Variants in ATXN1 observed in about 807,000 individuals in gnomAD.
ATXN1 encodes ataxin-1.
A neutral mutation model predicts 56.4 loss-of-function variants in ATXN1; 8 were observed. The observed-to-expected ratio is 0.14, with a 90% CI of 0.08 to 0.26. ATXN1 has a LOEUF of 0.26. Ranked by LOEUF, ATXN1 falls within the 10% of genes least tolerant of loss-of-function variation. ATXN1 has a pLI of 1.00. For synonymous variants in ATXN1, 514 were observed against 494.6 expected (o/e 1.04, Z -0.52); for missense variants, 987 against 1,106.5 (o/e 0.89, Z 1.53).
intron 6 of ATXN1, among the ~76,000 whole-genome samples, chr6:16,422,531 A>G (rs1170915241): frequency 6.6e-6 from 1 of 152,178 alleles, no homozygotes; most frequent in African/African-American, 2.4e-5. Flanking sequence ...GAAGGGTCTC[A>G]AGCCCTGGCA....
chr6:16,411,125 CAAAAAAAA>C (rs746717153), intron 6 of ATXN1, among the ~76,000 whole-genome samples: 4 of 80,700 alleles, frequency 5.0e-5, no homozygotes, highest in Admixed American at 1.5e-4. Context: ...ACCTCTGTGT[CAAAAAAAA>C]AAAAAAAAAA....
chr6:16,419,232 T>C (rs989221407), intron 6 of ATXN1, among the ~76,000 whole-genome samples: 3 of 152,300 alleles, frequency 2.0e-5, no homozygotes, highest in Non-Finnish European at 2.9e-5. Context: ...TACAGGTGCA[T>C]GACACTGCAC....
At chr6:16,347,547 T>C (rs1761444433) in intron 6 of ATXN1, among the ~76,000 whole-genome samples, 1 of 152,066 alleles carries the variant, frequency 6.6e-6, no homozygotes. Flanking sequence ...TCAAGGTTTG[T>C]AAACACACCA....
At chr6:16,460,074 C>T (rs550935202) in intron 6 of ATXN1, among the ~76,000 whole-genome samples, 6 of 152,144 alleles carry the variant, frequency 3.9e-5, no homozygotes, top group South Asian at 2.1e-4. Context: ...TGGCTTTTAC[C>T]GACTATGGAT....
intron 6 of ATXN1, among the ~76,000 whole-genome samples, chr6:16,339,255 G>A (rs1488867638): frequency 1.3e-5 from 2 of 152,160 alleles, no homozygotes; most frequent in Admixed American, 6.5e-5. Flanking sequence ...ACATTAGACA[G>A]CCCCAGTCTA....
At chr6:16,400,239 C>T (rs1758540037) in intron 6 of ATXN1, among the ~76,000 whole-genome samples, 1 of 152,214 alleles carries the variant, frequency 6.6e-6, no homozygotes, top group African/African-American at 2.4e-5. Context: ...AAGTAGCTCT[C>T]TTCTTGCTTC....
chr6:16,718,142 A>G (rs2113465251), intron 2 of ATXN1, among the ~76,000 whole-genome samples: 1 of 152,390 alleles, frequency 6.6e-6, no homozygotes, highest in South Asian at 2.1e-4. Flanking sequence ...TCTAAATCAT[A>G]GTGAAGGGTC....
chr6:16,630,482 G>T (rs1396922583), intron 3 of ATXN1, among the ~76,000 whole-genome samples: 2 of 152,166 alleles, frequency 1.3e-5, no homozygotes, highest in African/African-American at 2.4e-5. Flanking sequence ...ATCAACAGGG[G>T]ATTCATGGAG....
chr6:16,399,163 C>T (rs1479566959), intron 6 of ATXN1, among the ~76,000 whole-genome samples: 1 of 152,182 alleles, frequency 6.6e-6, no homozygotes, highest in East Asian at 1.9e-4. Context: ...GGCTGGAAAA[C>T]ATTTTGGAGG....
At chr6:16,448,982 T>C (rs1193183823) in intron 6 of ATXN1, among the ~76,000 whole-genome samples, 1 of 152,216 alleles carries the variant, frequency 6.6e-6, no homozygotes, top group Middle Eastern at 3.2e-3. Context: ...AGATTCTTAG[T>C]TACCCCGTTA....
chr6:16,335,276 G>A (rs1214049917), intron 6 of ATXN1, among the ~76,000 whole-genome samples: 2 of 152,258 alleles, frequency 1.3e-5, no homozygotes, highest in East Asian at 3.8e-4. Context: ...GGCCCAAAAT[G>A]AGGAGGCTCC....
At chr6:16,622,524 A>G (rs1379485436) in intron 3 of ATXN1, among the ~76,000 whole-genome samples, 3 of 152,198 alleles carry the variant, frequency 2.0e-5, no homozygotes, top group African/African-American at 7.2e-5. Context: ...ATCTTGACTA[A>G]TTTTCATTTA....
intron 3 of ATXN1, among the ~76,000 whole-genome samples, chr6:16,637,832 A>G (rs1045417690): frequency 6.6e-6 from 1 of 152,190 alleles, no homozygotes; most frequent in Non-Finnish European, 1.5e-5. Context: ...GTGACTCATC[A>G]GTTTGGGAAA....
At chr6:16,635,718 G>C (rs1189610492) in intron 3 of ATXN1, among the ~76,000 whole-genome samples, 2 of 152,198 alleles carry the variant, frequency 1.3e-5, no homozygotes, top group African/African-American at 4.8e-5. Flanking sequence ...AATCTGCAGA[G>C]AAATAATTTC....
At chr6:16,575,073 C>T (rs1264767291) in intron 4 of ATXN1, among the ~76,000 whole-genome samples, 1 of 152,086 alleles carries the variant, frequency 6.6e-6, no homozygotes, top group Non-Finnish European at 1.5e-5. Context: ...CAGTGGGACA[C>T]ACGATGTCAA....
At chr6:16,349,287 G>A (rs1028430099) in intron 6 of ATXN1, among the ~76,000 whole-genome samples, 30 of 152,044 alleles carry the variant, frequency 2.0e-4, no homozygotes, top group African/African-American at 6.3e-4. Context: ...GGTGGATCAC[G>A]AGATGAAGAG....
chr6:16,756,498 C>T lies in ATXN1; in HGVS notation c.-729-3151G>A, dbSNP rs947563636. Among the ~76,000 whole-genome samples the T allele has an allele frequency of 1.3e-5, 2 of 152,122 alleles. 1 individual carries two copies. Among genetic ancestry groups the T allele is most frequent in the South Asian group, 4.1e-4 (2 of 4,824 alleles). On this transcript the variant is annotated intron_variant, in intron 1 of 7. Coordinates refer to ENST00000436367, the MANE Select transcript of ATXN1 (RefSeq NM_001128164.2). ...AATGTATTGCTTTCAATGCTTTTAT[C>T]AAAATAAGGAGGGCCTGCTTCTGAT... is the stretch of plus-strand genomic sequence containing the variant.
At chr6:16,349,103 C>A (rs576901005) in intron 6 of ATXN1, among the ~76,000 whole-genome samples, 16 of 152,338 alleles carry the variant, frequency 1.1e-4, no homozygotes, top group African/African-American at 3.8e-4. Context: ...GAGGGCCTGG[C>A]GTACTCAAGA....
chr6:16,679,353 T>C (rs1454743960), intron 2 of ATXN1, among the ~76,000 whole-genome samples: 1 of 143,170 alleles, frequency 7.0e-6, no homozygotes, highest in African/African-American at 2.6e-5. Flanking sequence ...GGAGGATAGA[T>C]AGATGGATAG....
Sources: allele counts gnomAD v4.1 joint callset (sites outside exome capture counted in the v4.1 genomes callset), GRCh38; gene constraint gnomAD v4.1.1; transcripts MANE v1.5; gene names NCBI Gene and HGNC (gene_info 2026-07-23, HGNC 2026-07-21).